Variants in THSD4 observed in about 807,000 individuals in gnomAD.
The protein encoded by THSD4 is thrombospondin type 1 domain containing 4.
Under a neutral mutation model 119.0 loss-of-function variants are expected in THSD4, and 69 were observed. That is an observed-to-expected ratio of 0.58 (90% CI 0.48 to 0.71). The LOEUF (loss-of-function observed/expected upper bound fraction) is 0.71. THSD4 is among the 30% of genes least tolerant of loss of function. THSD4 has a pLI of 0.00. For missense variants in THSD4, 1,393 were observed against 1,391.1 expected, an observed-to-expected ratio of 1.00 and a Z score of -0.02; for synonymous variants, 524 against 540.4, an observed-to-expected ratio of 0.97 and a Z score of 0.42.
intron 4 of THSD4, among the ~76,000 whole-genome samples, chr15:71,230,351 C>A (rs761897661): frequency 2.2e-4 from 34 of 152,206 alleles, no homozygotes; most frequent in Non-Finnish European, 4.3e-4. Flanking sequence ...CATGCAAAGC[C>A]GCCTCCGTAC....
At chr15:71,635,582 C>T (rs1243370601) in intron 7 of THSD4, among the ~76,000 whole-genome samples, 2 of 152,172 alleles carry the variant, frequency 1.3e-5, no homozygotes, top group Non-Finnish European at 2.9e-5. Flanking sequence ...CTAAAGGAAA[C>T]ACGTCATGGA....
At chr15:71,574,068 C>T (rs1009136475) in intron 7 of THSD4, among the ~76,000 whole-genome samples, 1 of 152,212 alleles carries the variant, frequency 6.6e-6, no homozygotes, top group Non-Finnish European at 1.5e-5. Context: ...CGCAGAACTT[C>T]TCTAGCTCAC....
chr15:71,347,014 C>T lies in THSD4; in HGVS notation c.1016-64673C>T, dbSNP rs1014989141. Among the ~76,000 whole-genome samples, 6 of 151,516 alleles carry T rather than the reference C, an allele frequency of 4.0e-5. 1 individual carries two copies. In the South Asian group the frequency reaches 1.0e-3, roughly 26 times the overall value. ...TCCGCTTCCTGAGTAGCTGAGATTA[C>T]AGGCGCGTGCCACCACACCTGGCTA... On this transcript the variant is annotated intron_variant, in intron 6 of 17. Coordinates refer to ENST00000261862, the MANE Select transcript of THSD4 (RefSeq NM_024817.3).
chr15:71,316,247 C>T (rs1352642144), intron 6 of THSD4, among the ~76,000 whole-genome samples: 1 of 152,166 alleles, frequency 6.6e-6, no homozygotes, highest in Non-Finnish European at 1.5e-5. Flanking sequence ...TTCTGCTAAA[C>T]AGCCCCTCCT....
At chr15:71,658,707 T>A (rs2051238472) in intron 7 of THSD4, among the ~76,000 whole-genome samples, 1 of 152,056 alleles carries the variant, frequency 6.6e-6, no homozygotes, top group Admixed American at 6.5e-5. Context: ...GTGGGGCAGA[T>A]TGAGAAGGAT....
intron 3 of THSD4, among the ~76,000 whole-genome samples, chr15:71,202,697 C>T (rs2043813602): frequency 6.6e-6 from 1 of 152,126 alleles, no homozygotes; most frequent in South Asian, 2.1e-4. Context: ...ATCTGATAAC[C>T]TGGGAAGATG....
rs539007148 is a variant in THSD4, at chr15:71,489,806, C to T, written c.1152+77983C>T. ...TGCAATAATTTTCACATCAGAAGTC[C>T]GCTGCTGTCATTTTAAACATTTTTT... is the stretch of plus-strand genomic sequence containing the variant. On this transcript the variant is annotated intron_variant, in intron 7 of 17. Transcript: ENST00000261862. Among the ~76,000 whole-genome samples, 11 of 141,576 alleles carry T rather than the reference C, an allele frequency of 7.8e-5. No individual in the cohort carries two copies. The South Asian group carries it at 2.0e-3, about 25-fold the overall frequency. The allele number at this position is 141,576 out of a possible 152,430, so 92.9% of individuals were successfully genotyped here.
intron 2 of THSD4, among the ~76,000 whole-genome samples, chr15:71,151,000 T>C (rs761777077): frequency 1.4e-4 from 22 of 152,030 alleles, no homozygotes; most frequent in Admixed American, 6.6e-5. Flanking sequence ...TTACATTCCA[T>C]TGGATAGAGA....
intron 7 of THSD4, among the ~76,000 whole-genome samples, chr15:71,484,341 T>C (rs78340155): frequency 0.023 from 3,461 of 152,332 alleles, 61 homozygotes; most frequent in Non-Finnish European, 0.027. Flanking sequence ...ATGAGTAAGA[T>C]CTGAAGAAGA....
intron 7 of THSD4, among the ~76,000 whole-genome samples, chr15:71,619,219 A>G (rs1177422332): frequency 6.6e-6 from 1 of 151,134 alleles, no homozygotes; most frequent in Non-Finnish European, 1.5e-5. Context: ...TGATCCACCT[A>G]CCTCAGCCTC....
At chr15:71,554,520 C>G (rs1007893052) in intron 7 of THSD4, among the ~76,000 whole-genome samples, 1 of 152,122 alleles carries the variant, frequency 6.6e-6, no homozygotes, top group African/African-American at 2.4e-5. Context: ...TTCCAAGTAG[C>G]TAGGACTACA....
chr15:71,634,579 C>T (rs1171242140), intron 7 of THSD4, among the ~76,000 whole-genome samples: 1 of 152,178 alleles, frequency 6.6e-6, no homozygotes, highest in African/African-American at 2.4e-5. Context: ...GGATCTTCCC[C>T]AGGGCATCAG....
intron 6 of THSD4, among the ~76,000 whole-genome samples, chr15:71,394,266 CTTTTTTTTTTTTTT>C (rs58372446): frequency 5.6e-5 from 5 of 89,688 alleles, no homozygotes; most frequent in African/African-American, 2.2e-4. Flanking sequence ...ACACATTTGT[CTTTTTTTTTTTTTT>C]TTTTTTTTTT....
intron 6 of THSD4, chr15:71,348,140 G>C (rs1277041996): frequency 6.6e-6 from 1 of 152,188 alleles, no homozygotes; most frequent in African/African-American, 2.4e-5. Flanking sequence ...CTTTTGAAAT[G>C]CTTGTTTTCA....
intron 7 of THSD4, among the ~76,000 whole-genome samples, chr15:71,636,868 G>GCT (rs1020811439): frequency 4.0e-5 from 6 of 151,610 alleles, no homozygotes; most frequent in African/African-American, 1.5e-4. Context: ...TGGGCCAGGC[G>GCT]CTCTCTCTCA....
At chr15:71,750,813 C>G (rs1187029028) in intron 14 of THSD4, among the ~76,000 whole-genome samples, 2 of 152,214 alleles carry the variant, frequency 1.3e-5, no homozygotes, top group Non-Finnish European at 2.9e-5. Flanking sequence ...AGAGCTCATC[C>G]TAGTTCTTCG....
intron 6 of THSD4, among the ~76,000 whole-genome samples, chr15:71,379,495 A>G (rs967078549): frequency 1.3e-4 from 14 of 108,048 alleles, no homozygotes; most frequent in East Asian, 5.6e-4. Flanking sequence ...GTCTTGCTCT[A>G]TCGCCCAGGC....
intron 6 of THSD4, among the ~76,000 whole-genome samples, chr15:71,366,732 C>G (rs145376028): frequency 6.6e-6 from 1 of 152,224 alleles, no homozygotes; most frequent in Non-Finnish European, 1.5e-5. Flanking sequence ...TTATTTGCTC[C>G]GATCATCTCC....
chr15:71,141,620 C>A, intron 2 of THSD4, 64 bp downstream of exon 2: 1 of 1,510,600 alleles, frequency 6.6e-7, no homozygotes, highest in Non-Finnish European at 9.0e-7. Flanking sequence ...GCATTTTACT[C>A]TGTCATTTCT....
Sources: allele counts gnomAD v4.1 joint callset (sites outside exome capture counted in the v4.1 genomes callset), GRCh38; gene constraint gnomAD v4.1.1; transcripts MANE v1.5; gene names NCBI Gene and HGNC (gene_info 2026-07-23, HGNC 2026-07-21).